The following HIGD1C variants were observed in gnomAD, a reference collection of about 807,000 sequenced individuals.
HIGD1C encodes the protein HIG1 domain family member 1C.
Under a neutral mutation model 13.1 loss-of-function variants are expected in HIGD1C, and 11 were observed. The ratio of observed to expected loss-of-function variants is 0.84; its 90% CI spans 0.53 to 1.39. The LOEUF (loss-of-function observed/expected upper bound fraction) is 1.39. HIGD1C is among the 40% of genes most tolerant of loss of function. HIGD1C has a pLI of 0.00. For synonymous variants in HIGD1C, 36 were observed against 37.7 expected, an observed-to-expected ratio of 0.95 and a Z score of 0.17; for missense variants, 110 against 112.0, an observed-to-expected ratio of 0.98 and a Z score of 0.08.
chr12:50,946,903 T>A, the HIGD1C span, among the ~76,000 whole-genome samples: 1 of 152,090 alleles, frequency 6.6e-6, no homozygotes, highest in African/African-American at 2.4e-5. Context: ...GAACTTAAAG[T>A]ATAATAAAAA....
the HIGD1C span, among the ~76,000 whole-genome samples, chr12:50,944,912 G>A: frequency 6.6e-6 from 1 of 151,910 alleles, no homozygotes; most frequent in Admixed American, 6.6e-5. Context: ...TTCATCCCTG[G>A]GATGCAAGGC....
intron 2 of HIGD1C, among the ~76,000 whole-genome samples, chr12:50,963,377 AAAAAAAAAAAAAAAAAG>A (rs1939418126): frequency 6.7e-6 from 1 of 149,486 alleles, no homozygotes; most frequent in African/African-American, 2.5e-5. Context: ...CTCAAAAAAA[AAAAAAAAAAAAAAAAAG>A]AAAAGAAAAG....
chr12:50,961,367 G>T (rs1939321571), intron 2 of HIGD1C, among the ~76,000 whole-genome samples: 1 of 152,158 alleles, frequency 6.6e-6, no homozygotes, highest in Non-Finnish European at 1.5e-5. Flanking sequence ...GTGGTGAATA[G>T]TTCCTATCCT....
the HIGD1C span, chr12:50,931,382 T>G: frequency 1.3e-5 from 2 of 151,924 alleles, no homozygotes; most frequent in East Asian, 1.9e-4. Flanking sequence ...ACAGCACAGA[T>G]TTTTTCTTTC....
At chr12:50,956,156 C>G (rs1020349851) in intron 1 of HIGD1C, among the ~76,000 whole-genome samples, 1 of 152,202 alleles carries the variant, frequency 6.6e-6, no homozygotes, top group African/African-American at 2.4e-5. Context: ...CTTTGGCAGG[C>G]CAAGGTGGGT....
intron 1 of HIGD1C, among the ~76,000 whole-genome samples, chr12:50,955,825 AAATT>A (rs1415241362): frequency 9.2e-5 from 14 of 152,362 alleles, no homozygotes; most frequent in African/African-American, 3.4e-4. Flanking sequence ...TAATGAACAG[AAATT>A]AATTAATAAA....
downstream of HIGD1C, among the ~76,000 whole-genome samples, chr12:50,971,264 T>C (rs1224744225): frequency 6.6e-6 from 1 of 152,140 alleles, no homozygotes; most frequent in Non-Finnish European, 1.5e-5. Flanking sequence ...TACGGTTTCA[T>C]AAACTCCTTT....
intron 1 of HIGD1C, among the ~76,000 whole-genome samples, chr12:50,959,895 C>A (rs1442737241): frequency 6.6e-6 from 1 of 152,188 alleles, no homozygotes; most frequent in East Asian, 1.9e-4. Flanking sequence ...AGTGATCCAC[C>A]CGCCTCAACC....
the HIGD1C span, among the ~76,000 whole-genome samples, chr12:50,933,430 C>A: frequency 6.6e-6 from 1 of 152,236 alleles, no homozygotes. Flanking sequence ...TCCAAACAGA[C>A]TTAAGCAGAA....
intron 2 of HIGD1C, among the ~76,000 whole-genome samples, chr12:50,968,973 C>T (rs35037088): frequency 0.15 from 22,394 of 152,180 alleles, 1,878 homozygotes; most frequent in South Asian, 0.26. Context: ...GCCCCCACCA[C>T]GCACCGCATT....
chr12:50,936,530 G>A, the HIGD1C span, among the ~76,000 whole-genome samples: 3 of 152,200 alleles, frequency 2.0e-5, no homozygotes, highest in African/African-American at 7.2e-5. Flanking sequence ...AGGCCATGAA[G>A]TGAGTGTCCA....
At chr12:50,944,580 T>C in the HIGD1C span, among the ~76,000 whole-genome samples, 3 of 152,164 alleles carry the variant, frequency 2.0e-5, no homozygotes, top group Non-Finnish European at 4.4e-5. Flanking sequence ...CCCTTCACTG[T>C]CAAATCTTTA....
At chr12:50,965,847 T>C (rs1242128513) in intron 2 of HIGD1C, among the ~76,000 whole-genome samples, 1 of 152,210 alleles carries the variant, frequency 6.6e-6, no homozygotes, top group Non-Finnish European at 1.5e-5. Flanking sequence ...GAACATGGTC[T>C]TTCCTTAAGG....
intron 1 of HIGD1C, 140 bp from the exon 4 acceptor site, chr12:50,960,828 G>A (rs1276154045): frequency 1.1e-5 from 7 of 642,458 alleles, no homozygotes; most frequent in Non-Finnish European, 1.5e-5. Flanking sequence ...GACTACAGAC[G>A]TGTATCACCA....
chr12:50,949,552 G>A (rs1409973780), upstream of HIGD1C, among the ~76,000 whole-genome samples: 1 of 10,598 alleles, frequency 9.4e-5, no homozygotes, highest in Non-Finnish European at 2.4e-4. Context: ...TTTTTTTTTT[G>A]AGATGGAGTC....
chr12:50,962,035 G>C (rs960350719), intron 2 of HIGD1C, among the ~76,000 whole-genome samples: 2 of 152,152 alleles, frequency 1.3e-5, no homozygotes, highest in Non-Finnish European at 2.9e-5. Context: ...AGTCTCCTTA[G>C]GAAGACAGAC....
At position 50,961,014 on chromosome 12, in the gene HIGD1C, A is replaced by G. The variant is rs1459671551; in HGVS notation, c.141A>G (p.Leu47=). Residue 47 remains leucine, a synonymous_variant, in exon 2 of 3, where the codon CTA becomes CTG. Coordinates refer to ENST00000398455, the Ensembl canonical transcript of HIGD1C. ...TGGTGTCCTGTGGTCTTTACAAGCT[A>G]AAGTACAGAAGAGATCAGAAAATGT... 3.7e-6 allele frequency: 6 copies of G among 1,610,380 alleles called. No homozygotes were observed. In the South Asian group the frequency reaches 4.4e-5, roughly 12 times the overall value.
rs1021311235 is a variant in HIGD1C, at chr12:50,958,050, C to T, written c.95-2918C>T. On this transcript the variant is annotated intron_variant, in intron 1 of 2. Coordinates refer to ENST00000398455, the Ensembl canonical transcript of HIGD1C. ...CGAACTTCTGACCTCAAGTGATATG[C>T]CTGCCTTGGCCTGCCAAAGTGCTGG... Among the ~76,000 whole-genome samples, 9 of 146,228 alleles carry T rather than the reference C, an allele frequency of 6.2e-5. No homozygotes were observed. The Admixed American group carries it at 6.2e-4, about 10-fold the overall frequency.
chr12:50,967,698 C>G lies in HIGD1C; in HGVS notation c.230-2744C>G, dbSNP rs148638659. On this transcript the variant is annotated intron_variant, in intron 2 of 2. Coordinates refer to ENST00000398455, the Ensembl canonical transcript of HIGD1C. The stretch of plus-strand genomic sequence containing the variant: ...TCTAAACGGATCAGAGAACCAATTC[C>G]GGATAACCCAGAACCATTTCAGAGA... Among the ~76,000 whole-genome samples the G allele has an allele frequency of 5.3e-4, 81 of 152,298 alleles. 3 individuals carry two copies. In the East Asian group the frequency reaches 0.015, roughly 29 times the overall value.
Sources: gnomAD v4.1 joint callset for allele counts (sites outside exome capture counted in the v4.1 genomes callset) on GRCh38, gnomAD v4.1.1 for gene constraint, MANE v1.5 for transcripts, NCBI Gene and HGNC (gene_info 2026-07-23, HGNC 2026-07-21) for gene names.